BICC1: variants seen among roughly 807,000 people sequenced by gnomAD.
The protein encoded by BICC1 is protein bicaudal C homolog 1.
Under a neutral mutation model 111.0 loss-of-function variants are expected in BICC1, and 43 were observed. That is an observed-to-expected ratio of 0.39 (90% CI 0.30 to 0.50). The LOEUF is 0.50. Ranked by LOEUF, BICC1 falls within the 20% of genes least tolerant of loss-of-function variation. The pLI, the probability that BICC1 is intolerant of heterozygous loss-of-function variation, is 0.88. For synonymous variants in BICC1, 467 were observed against 434.4 expected (o/e 1.07, Z -0.93); for missense variants, 1,091 against 1,203.2 (o/e 0.91, Z 1.38).
At chr10:58,693,072 C>T (rs1254219698) in intron 2 of BICC1, among the ~76,000 whole-genome samples, 1 of 152,048 alleles carries the variant, frequency 6.6e-6, no homozygotes, top group Non-Finnish European at 1.5e-5. Flanking sequence ...TATGTGTTCT[C>T]ATTGTTCAAT....
At chr10:58,614,965 C>T (rs976359773) in intron 1 of BICC1, among the ~76,000 whole-genome samples, 7 of 151,824 alleles carry the variant, frequency 4.6e-5, no homozygotes, top group East Asian at 1.9e-4. Context: ...TTTTGAATCT[C>T]CATGTCCTTA....
intron 3 of BICC1, among the ~76,000 whole-genome samples, chr10:58,775,574 C>T (rs570282010): frequency 2.0e-5 from 3 of 152,238 alleles, no homozygotes; most frequent in Admixed American, 6.5e-5. Flanking sequence ...CCCATCTCCT[C>T]GCCCAAAGAT....
chr10:58,731,938 C>T (rs1034352738), intron 3 of BICC1, among the ~76,000 whole-genome samples: 2 of 152,184 alleles, frequency 1.3e-5, no homozygotes, highest in African/African-American at 4.8e-5. Context: ...AACACAGATC[C>T]AAATCATATC....
chr10:58,750,816 G>A (rs1170376996), intron 3 of BICC1, among the ~76,000 whole-genome samples: 3 of 152,084 alleles, frequency 2.0e-5, no homozygotes, highest in Non-Finnish European at 4.4e-5. Context: ...CCAGAAATCG[G>A]AAACCTGCTT....
rs145868049 is a variant in BICC1 at position 58,787,678 on chromosome 10, C to T, written c.546+597C>T. 2.0e-5 allele frequency among the ~76,000 whole-genome samples: 3 copies of T among 152,298 alleles called. No homozygotes were observed. The East Asian group carries it at 5.8e-4, about 29-fold the overall frequency. ...AACTAGTTACAATACTAGAAACTGT[C>T]AGCCACAAAGATGAATAGTCTTTTC... On this transcript the variant is annotated intron_variant, in intron 5 of 20. Coordinates refer to ENST00000373886, the MANE Select transcript of BICC1 (RefSeq NM_001080512.3).
intron 2 of BICC1, among the ~76,000 whole-genome samples, chr10:58,676,967 T>C (rs1448421411): frequency 1.3e-5 from 2 of 152,112 alleles, no homozygotes; most frequent in East Asian, 1.9e-4. Flanking sequence ...GCCTGACTAT[T>C]AGAAGGAAAA....
At chr10:58,648,109 T>TA (rs113779493) in intron 2 of BICC1, among the ~76,000 whole-genome samples, 1,836 of 151,718 alleles carry the variant, frequency 0.012, 44 homozygotes, top group African/African-American at 0.042. Context: ...CAACTGCATT[T>TA]AAAAAAAAAT....
chr10:58,705,142 T>G (rs1486687870), intron 3 of BICC1, among the ~76,000 whole-genome samples: 4 of 152,204 alleles, frequency 2.6e-5, no homozygotes, highest in Admixed American at 2.6e-4. Context: ...CTAAAGATGT[T>G]GGCTTAGTAG....
chr10:58,680,393 C>A (rs1018603797), intron 2 of BICC1, among the ~76,000 whole-genome samples: 1 of 151,978 alleles, frequency 6.6e-6, no homozygotes, highest in African/African-American at 2.4e-5. Context: ...CAATAACAGA[C>A]AGCCAAATCA....
chr10:58,682,720 A>G (rs533986299), intron 2 of BICC1, among the ~76,000 whole-genome samples: 10 of 152,004 alleles, frequency 6.6e-5, no homozygotes, highest in South Asian at 2.1e-4. Context: ...CCACTTTTTG[A>G]TGGGGTTGTT....
At chr10:58,663,542 G>C (rs1246584623) in intron 2 of BICC1, among the ~76,000 whole-genome samples, 1 of 152,202 alleles carries the variant, frequency 6.6e-6, no homozygotes, top group Non-Finnish European at 1.5e-5. Flanking sequence ...CAGGAGGTGA[G>C]CGGTAGCCAA....
chr10:58,630,567 T>A (rs908316075), intron 2 of BICC1, among the ~76,000 whole-genome samples: 2 of 152,268 alleles, frequency 1.3e-5, no homozygotes, highest in Middle Eastern at 3.4e-3. Context: ...TAGCTGAGAC[T>A]ATTGACATGC....
intron 17 of BICC1, among the ~76,000 whole-genome samples, chr10:58,812,600 C>T (rs555711713): frequency 6.6e-6 from 1 of 151,946 alleles, no homozygotes; most frequent in East Asian, 1.9e-4. Flanking sequence ...GCCTCAGCCT[C>T]CTAAGTAGCT....
At position 58,798,549 on chromosome 10, in the gene BICC1, C is replaced by T. The variant is rs2132857460; in HGVS notation, c.1517C>T (p.Ser506Leu). 6.2e-7 allele frequency: 1 copy of T among 1,607,284 alleles called. No individual in the cohort carries two copies. Among genetic ancestry groups the T allele is most frequent in the Non-Finnish European group, 8.5e-7 (1 of 1,177,550 alleles). The part of the protein sequence containing the change: ...TLWAPPLANT[S>L]SATGFSAIPH... ...TGGGCACCCCCACTTGCTAATACTT[C>T]AAGTGCCACAGGTCAGTATCATTTA... is the stretch of plus-strand genomic sequence containing the variant. The change falls in exon 11 of 21, where the codon TCA (serine) becomes TTA (leucine). Residue 506 changes from serine to leucine, a missense_variant. Ser to Leu is a moderately radical substitution (Grantham distance 145). Coordinates refer to ENST00000373886, the MANE Select transcript of BICC1 (RefSeq NM_001080512.3).
intron 3 of BICC1, among the ~76,000 whole-genome samples, chr10:58,756,512 C>T (rs991246409): frequency 6.6e-6 from 1 of 151,308 alleles, no homozygotes; most frequent in African/African-American, 2.4e-5. Flanking sequence ...AGCAGGACAC[C>T]CAAGAGTCCT....
At chr10:58,756,083 AT>A (rs925722557) in intron 3 of BICC1, among the ~76,000 whole-genome samples, 2 of 152,010 alleles carry the variant, frequency 1.3e-5, no homozygotes, top group African/African-American at 4.8e-5. Flanking sequence ...TGCTTGTTCC[AT>A]TTTCACTTGT....
At chr10:58,600,814 A>G (rs778627221) in intron 1 of BICC1, among the ~76,000 whole-genome samples, 19 of 152,102 alleles carry the variant, frequency 1.2e-4, no homozygotes, top group Admixed American at 3.3e-4. Flanking sequence ...TATTTTCTCT[A>G]GCTTACTGTA....
At chr10:58,731,693 G>A (rs1841299804) in intron 3 of BICC1, among the ~76,000 whole-genome samples, 1 of 145,430 alleles carries the variant, frequency 6.9e-6, no homozygotes, top group African/African-American at 2.6e-5. Flanking sequence ...TTACATGGGA[G>A]GAGCAGGACA....
chr10:58,779,538 AGTTT>A (rs1842830309), intron 3 of BICC1, among the ~76,000 whole-genome samples: 1 of 152,356 alleles, frequency 6.6e-6, no homozygotes, highest in East Asian at 1.9e-4. Context: ...GTTGCTTATT[AGTTT>A]AAGAACCTTA....
Sources: gnomAD v4.1 joint callset for allele counts (sites outside exome capture counted in the v4.1 genomes callset) on GRCh38, gnomAD v4.1.1 for gene constraint, MANE v1.5 for transcripts, NCBI Gene and HGNC (gene_info 2026-07-23, HGNC 2026-07-21) for gene names.